UBAP2L: variants seen among roughly 807,000 people sequenced by gnomAD.
UBAP2L encodes the protein ubiquitin-associated protein 2-like.
A neutral mutation model predicts 130.6 loss-of-function variants in UBAP2L; 12 were observed. That is an observed-to-expected ratio of 0.09 (90% CI 0.06 to 0.15). The LOEUF (loss-of-function observed/expected upper bound fraction) is 0.15. UBAP2L is among the 10% of genes least tolerant of loss of function. The probability of loss-of-function intolerance (pLI) is 1.00; values close to 1 mark genes in which losing one functional copy is unlikely to be tolerated. For missense variants in UBAP2L, 965 were observed against 1,332.5 expected, an observed-to-expected ratio of 0.72 and a Z score of 4.29; for synonymous variants, 503 against 524.7, an observed-to-expected ratio of 0.96 and a Z score of 0.57.
chr1:154,267,573 A>C (rs1683648619), intron 25 of UBAP2L, among the ~76,000 whole-genome samples: 1 of 149,118 alleles, frequency 6.7e-6, no homozygotes, highest in Admixed American at 6.7e-5. Flanking sequence ...GTGGAATCTC[A>C]GCCTTCTGAG....
intron 6 of UBAP2L, among the ~76,000 whole-genome samples, chr1:154,235,589 A>ATC (rs755570337): frequency 6.6e-6 from 1 of 152,000 alleles, no homozygotes; most frequent in Non-Finnish European, 1.5e-5. Context: ...GGCTCACTGC[A>ATC]ACCTCTGCCT....
upstream of UBAP2L, chr1:154,220,421 C>T (rs752629676): frequency 6.2e-6 from 10 of 1,614,224 alleles, no homozygotes; most frequent in Non-Finnish European, 8.5e-6. Context: ...CTCCCTACCT[C>T]GCGCAGAATT....
At chr1:154,251,413 G>A in intron 13 of UBAP2L, 68 bp from the exon 14 acceptor site, 1 of 1,575,572 alleles carries the variant, frequency 6.3e-7, no homozygotes, top group Non-Finnish European at 8.6e-7. Context: ...TTAAAGGGAA[G>A]GGTTTTTTTT....
chr1:154,240,933 T>TG (rs1673329399), intron 8 of UBAP2L, among the ~76,000 whole-genome samples: 1 of 131,786 alleles, frequency 7.6e-6, no homozygotes, highest in Non-Finnish European at 1.6e-5. Context: ...GTTGTCTGTC[T>TG]GTCCCCCCCC....
chr1:154,233,615 A>C (rs1232814520), intron 4 of UBAP2L, among the ~76,000 whole-genome samples: 1 of 149,964 alleles, frequency 6.7e-6, no homozygotes, highest in Non-Finnish European at 1.5e-5. Flanking sequence ...GAGCCACCGC[A>C]CCTGGCCACC....
intron 25 of UBAP2L, among the ~76,000 whole-genome samples, chr1:154,267,972 C>T (rs1414686688): frequency 6.9e-6 from 1 of 145,666 alleles, no homozygotes; most frequent in Non-Finnish European, 1.5e-5. Flanking sequence ...TCACCATAAC[C>T]TCCGCCTCTC....
chr1:154,239,735 G>T lies in UBAP2L; in HGVS notation c.704-1778G>T, dbSNP rs149521376. Among the ~76,000 whole-genome samples the T allele has an allele frequency of 2.2e-3, 331 of 152,314 alleles. 1 individual carries two copies. Among genetic ancestry groups the T allele is most frequent in the Middle Eastern group, 3.4e-3 (1 of 294 alleles). On this transcript the variant is annotated intron_variant, in intron 8 of 26. Coordinates refer to ENST00000428931, the MANE Select transcript of UBAP2L (RefSeq NM_014847.4). ...AGAGCCTAGATTAAATAACCTGTTA[G>T]ATCATGTCTAACTCTAGGATTGTGT...
At chr1:154,262,057 G>A (rs1681737992) in intron 24 of UBAP2L, among the ~76,000 whole-genome samples, 1 of 152,190 alleles carries the variant, frequency 6.6e-6, no homozygotes, top group Non-Finnish European at 1.5e-5. Context: ...TACAAAAGGG[G>A]GGTGTATTCA....
At chr1:154,221,869 G>A (rs1666273942) in intron 1 of UBAP2L, among the ~76,000 whole-genome samples, 1 of 152,198 alleles carries the variant, frequency 6.6e-6, no homozygotes, top group African/African-American at 2.4e-5. Context: ...GTGTATTTAC[G>A]CTTAAGGGAC....
chr1:154,257,039 C>T (rs1558208963), intron 18 of UBAP2L, 24 bp from the exon 19 acceptor site: 1 of 1,605,826 alleles, frequency 6.2e-7, no homozygotes, highest in Non-Finnish European at 8.5e-7. Context: ...CTTCTTCTCT[C>T]TTCCACTGCT....
At chr1:154,263,221 A>G in intron 24 of UBAP2L, 1 of 1,548,076 alleles carries the variant, frequency 6.5e-7, no homozygotes. Context: ...TGTTTCAGAA[A>G]CCAGACCACT....
intron 25 of UBAP2L, among the ~76,000 whole-genome samples, chr1:154,267,062 C>T (rs572326529): frequency 1.2e-4 from 18 of 151,942 alleles, no homozygotes; most frequent in Non-Finnish European, 2.2e-4. Flanking sequence ...CTATAAAGCA[C>T]TGGGGGTCTG....
intron 4 of UBAP2L, among the ~76,000 whole-genome samples, chr1:154,229,459 A>G (rs1184672201): frequency 6.6e-6 from 1 of 152,024 alleles, no homozygotes; most frequent in Non-Finnish European, 1.5e-5. Flanking sequence ...TGTTTTTTTA[A>G]TGAGCAGTGT....
chr1:154,220,763 G>T (rs1331471175), upstream of UBAP2L: 5 of 280,238 alleles, frequency 1.8e-5, no homozygotes, highest in African/African-American at 4.4e-5. Flanking sequence ...CGCGGAGCCG[G>T]AAAGAGGTGT....
chr1:154,259,780 G>C lies in UBAP2L; in HGVS notation c.2497-168G>C, dbSNP rs374645971. 1.1e-4 allele frequency: 87 copies of C among 795,478 alleles called. 1 individual carries two copies. In the East Asian group the frequency reaches 1.2e-3, roughly 11 times the overall value. 49.3% of individuals were successfully genotyped at this position (795,478 alleles called of 1,614,324 possible). A position where few individuals can be genotyped will look rare whatever the true frequency, so the allele number is the denominator to read the frequency against. On this transcript the variant is annotated intron_variant, in intron 21 of 26. Coordinates refer to ENST00000428931, the MANE Select transcript of UBAP2L (RefSeq NM_014847.4). ...TGCTCATGGCCAGGCAGGGGGGACAGTGTATGCAAGAGTAATGTGGAGTTT... is the reference window on the plus strand; with the variant it reads ...TGCTCATGGCCAGGCAGGGGGGACACTGTATGCAAGAGTAATGTGGAGTTT...
chr1:154,251,360 T>TACCATTTTA, intron 13 of UBAP2L, 42 bp downstream of exon 13: 2 of 1,586,668 alleles, frequency 1.3e-6, no homozygotes, highest in East Asian at 4.5e-5. Context: ...TGGCAAGGGG[T>TACCATTTTA]GTGGGGCTTG....
rs556422556 is a variant in UBAP2L at position 154,241,431 on chromosome 1, A to G, written c.704-82A>G. ...AGTCATACTTTTGGCTGCCAAAAAAATTAATACATTGATGTTTTCTATACA... is the reference window on the plus strand; with the variant it reads ...AGTCATACTTTTGGCTGCCAAAAAAGTTAATACATTGATGTTTTCTATACA... On this transcript the variant is annotated intron_variant, in intron 8 of 26. Coordinates refer to ENST00000428931, the MANE Select transcript of UBAP2L (RefSeq NM_014847.4). 72 of 1,456,420 alleles carry G rather than the reference A, an allele frequency of 4.9e-5. No homozygotes were observed. The South Asian group carries it at 7.6e-4, about 15-fold the overall frequency. 90.2% of individuals were successfully genotyped at this position (1,456,420 alleles called of 1,614,324 possible).
chr1:154,262,973 T>A, intron 24 of UBAP2L: 1 of 848,520 alleles, frequency 1.2e-6, no homozygotes, highest in Non-Finnish European at 1.7e-6. Flanking sequence ...ATTCTAGAAA[T>A]CCCACCTTCT....
chr1:154,266,400 C>A, intron 24 of UBAP2L, 101 bp from the exon 25 acceptor site: 1 of 1,267,590 alleles, frequency 7.9e-7, no homozygotes, highest in Admixed American at 1.7e-5. Context: ...AATTCCCTTG[C>A]ATTGGTATAG....
Sources: gnomAD v4.1 joint callset for allele counts (sites outside exome capture counted in the v4.1 genomes callset) on GRCh38, gnomAD v4.1.1 for gene constraint, MANE v1.5 for transcripts, NCBI Gene and HGNC (gene_info 2026-07-23, HGNC 2026-07-21) for gene names.